Variants in EDA observed in about 807,000 individuals in gnomAD.
The protein encoded by EDA is ectodysplasin-A.
Under a neutral mutation model 23.6 loss-of-function variants are expected in EDA, and 2 were observed. The ratio of observed to expected loss-of-function variants is 0.08; its 90% CI spans 0.03 to 0.27. The LOEUF (loss-of-function observed/expected upper bound fraction) is 0.27, where lower values mean the gene tolerates loss of function less well. EDA is among the 10% of genes least tolerant of loss of function. The pLI is 1.00. For missense variants in EDA, 229 were observed against 324.2 expected, an observed-to-expected ratio of 0.71 and a Z score of 2.26; for synonymous variants, 131 against 132.0, an observed-to-expected ratio of 0.99 and a Z score of 0.05.
At chrX:69,925,564 T>C (rs779497663) in intron 1 of EDA, among the ~76,000 whole-genome samples, 3 of 111,712 alleles carry the variant, frequency 2.7e-5, no homozygotes, top group African/African-American at 6.5e-5. Context: ...AGTGTTTTTA[T>C]TGAGGATTTT....
chrX:69,617,050 G>T (rs1388818465), intron 1 of EDA: 7 of 387,537 alleles, frequency 1.8e-5, no homozygotes, highest in Non-Finnish European at 3.2e-5. Context: ...TCGTGATGAG[G>T]TTCTCTGCCC....
intron 2 of EDA, among the ~76,000 whole-genome samples, chrX:69,981,355 G>A (rs1434750877): frequency 9.0e-6 from 1 of 111,578 alleles, no homozygotes; most frequent in African/African-American, 3.3e-5. Context: ...AATTGAGCAG[G>A]AAATGTTTAG....
intron 1 of EDA, among the ~76,000 whole-genome samples, chrX:69,761,037 G>A (rs1198125122): frequency 4.5e-5 from 5 of 110,778 alleles, no homozygotes; most frequent in South Asian, 3.8e-4. Context: ...AATGAGTTGC[G>A]GGGGAACTAG....
rs757495206 is a variant in EDA at position 69,722,395 on chromosome X, A to C, written c.396+105691A>C. ...TCATTTTTTTGTATTTTTAGTAGAG[A>C]CGGGGTTTCACCTTGTTAGCCAGGA... On this transcript the variant is annotated intron_variant, in intron 1 of 7. Coordinates refer to ENST00000374552, the MANE Select transcript of EDA (RefSeq NM_001399.5). Among the ~76,000 whole-genome samples the C allele has an allele frequency of 2.3e-3, 251 of 109,137 alleles. 1 individual carries two copies. Among genetic ancestry groups the C allele is most frequent in the African/African-American group, 7.9e-3 (238 of 29,979 alleles). 94.8% of individuals were successfully genotyped at this position (109,137 alleles called of 115,157 possible).
chrX:69,754,624 G>T (rs2014031394), intron 1 of EDA, among the ~76,000 whole-genome samples: 1 of 111,648 alleles, frequency 9.0e-6, no homozygotes, highest in Admixed American at 9.5e-5. Flanking sequence ...GCTAGGTTAG[G>T]GAAGTTCTCC....
At chrX:69,898,533 A>G (rs1435420416) in intron 1 of EDA, among the ~76,000 whole-genome samples, 1 of 110,845 alleles carries the variant, frequency 9.0e-6, no homozygotes, top group African/African-American at 3.3e-5. Context: ...CAGTGAGCCG[A>G]GATCACACCA....
intron 1 of EDA, among the ~76,000 whole-genome samples, chrX:69,757,541 C>T (rs1602374958): frequency 8.9e-6 from 1 of 112,278 alleles, no homozygotes; most frequent in East Asian, 2.8e-4. Flanking sequence ...TAGTTCATAT[C>T]TCTTTCTTTA....
chrX:69,857,229 A>G (rs184416969), intron 1 of EDA, among the ~76,000 whole-genome samples: 5 of 111,862 alleles, frequency 4.5e-5, no homozygotes, highest in East Asian at 2.8e-4. Flanking sequence ...CCATTAATCT[A>G]TGTGCCTATT....
chrX:69,791,258 A>G (rs1026943696), intron 1 of EDA, among the ~76,000 whole-genome samples: 1 of 112,301 alleles, frequency 8.9e-6, no homozygotes, highest in African/African-American at 3.2e-5. Context: ...GGAGATAGGA[A>G]TAGTAAAAAT....
intron 1 of EDA, among the ~76,000 whole-genome samples, chrX:69,774,205 C>G (rs941342801): frequency 8.9e-6 from 1 of 112,024 alleles, no homozygotes; most frequent in Non-Finnish European, 1.9e-5. Flanking sequence ...ATTTTTTCCA[C>G]TGTGGCCTTG....
At chrX:69,656,689 C>T (rs761703119) in intron 1 of EDA, among the ~76,000 whole-genome samples, 2 of 111,425 alleles carry the variant, frequency 1.8e-5, no homozygotes, top group South Asian at 7.7e-4. Flanking sequence ...TCTATTGTGG[C>T]CATCTTTAGT....
At chrX:69,900,688 C>G (rs2018085861) in intron 1 of EDA, among the ~76,000 whole-genome samples, 1 of 110,341 alleles carries the variant, frequency 9.1e-6, no homozygotes, top group Non-Finnish European at 1.9e-5. Context: ...ATCACACAAG[C>G]TAGTGGTTTG....
At chrX:70,008,045 T>C (rs918552797) in intron 2 of EDA, among the ~76,000 whole-genome samples, 5 of 111,970 alleles carry the variant, frequency 4.5e-5, no homozygotes, top group African/African-American at 6.5e-5. Context: ...ACATAGACAA[T>C]CATGTAATCT....
At chrX:69,663,606 AGCC>A (rs763700781) in intron 1 of EDA, among the ~76,000 whole-genome samples, 5 of 112,701 alleles carry the variant, frequency 4.4e-5, no homozygotes, top group South Asian at 7.3e-4. Flanking sequence ...GCAAGCCCTC[AGCC>A]AGAATCCTTA....
At chrX:69,875,191 G>T (rs1363010144) in intron 1 of EDA, among the ~76,000 whole-genome samples, 2 of 111,615 alleles carry the variant, frequency 1.8e-5, no homozygotes, top group East Asian at 5.6e-4. Context: ...GAAGCAAAAA[G>T]AACAAATCTG....
chrX:69,710,171 G>A (rs1304208722), intron 1 of EDA, among the ~76,000 whole-genome samples: 1 of 110,200 alleles, frequency 9.1e-6, no homozygotes, highest in African/African-American at 3.3e-5. Context: ...ATTGATTTTT[G>A]TATAAGGTGT....
intron 1 of EDA, among the ~76,000 whole-genome samples, chrX:69,892,792 C>G (rs1050722628): frequency 9.0e-6 from 1 of 111,554 alleles, no homozygotes; most frequent in Admixed American, 9.6e-5. Context: ...GAGAAGTGTT[C>G]TTCAGGTCAT....
chrX:69,916,435 C>T (rs1387576247), intron 1 of EDA, among the ~76,000 whole-genome samples: 1 of 85,951 alleles, frequency 1.2e-5, no homozygotes, highest in Non-Finnish European at 2.2e-5. Flanking sequence ...CGGAGTCTCA[C>T]TCTGTCACCC....
intron 1 of EDA, among the ~76,000 whole-genome samples, chrX:69,753,266 G>C (rs1349226438): frequency 9.0e-6 from 1 of 111,560 alleles, no homozygotes; most frequent in Non-Finnish European, 1.9e-5. Context: ...CAGAGATTCT[G>C]GTATGTTGTG....
Sources: gnomAD v4.1 joint callset for allele counts (sites outside exome capture counted in the v4.1 genomes callset) on GRCh38, gnomAD v4.1.1 for gene constraint, MANE v1.5 for transcripts, NCBI Gene and HGNC (gene_info 2026-07-23, HGNC 2026-07-21) for gene names.